Variants in ANKRD30B observed in about 807,000 individuals in gnomAD.
The protein encoded by ANKRD30B is ankyrin repeat domain 30B, also known as ankyrin repeat domain-containing protein 30B.
A neutral mutation model predicts 202.2 loss-of-function variants in ANKRD30B; 144 were observed. The ratio of observed to expected loss-of-function variants is 0.71; its 90% CI spans 0.62 to 0.82. The LOEUF (loss-of-function observed/expected upper bound fraction) is 0.82, where lower values mean the gene tolerates loss of function less well. Among genes scored for constraint, ANKRD30B ranks in the 40% least tolerant of loss-of-function variants. ANKRD30B has a pLI of 0.00. For synonymous variants in ANKRD30B, 508 were observed against 561.3 expected, an observed-to-expected ratio of 0.91 and a Z score of 1.34; for missense variants, 1,487 against 1,669.1, an observed-to-expected ratio of 0.89 and a Z score of 1.90.
chr18:14,840,130 G>A (rs2143170631), intron 36 of ANKRD30B, among the ~76,000 whole-genome samples: 1 of 152,240 alleles, frequency 6.6e-6, no homozygotes, highest in East Asian at 1.9e-4. Flanking sequence ...AAATGTTTTG[G>A]TTTTCAATAT....
At position 14,777,969 on chromosome 18, in the gene ANKRD30B, G is replaced by C; in HGVS notation, c.1330-16G>C. 6 of 1,506,644 alleles carry C rather than the reference G, an allele frequency of 4.0e-6. No homozygotes were observed. Among genetic ancestry groups the C allele is most frequent in the Non-Finnish European group, 5.4e-6 (6 of 1,112,494 alleles). 93.3% of individuals were successfully genotyped at this position (1,506,644 alleles called of 1,614,324 possible). A position where few individuals can be genotyped will look rare whatever the true frequency, so the allele number is the denominator to read the frequency against. ...AAGGAAAAAGACAAATTATTTATTGGTATTACCTTTAACAGATTATCTCTA... is the reference window on the plus strand; with the variant it reads ...AAGGAAAAAGACAAATTATTTATTGCTATTACCTTTAACAGATTATCTCTA... On this transcript the variant is annotated splice_polypyrimidine_tract_variant and intron_variant, in intron 9 of 43. Coordinates refer to ENST00000690538, the MANE Select transcript of ANKRD30B (RefSeq NM_001367607.2).
intron 1 of ANKRD30B, among the ~76,000 whole-genome samples, chr18:14,751,860 C>G (rs1913507045): frequency 9.3e-6 from 1 of 107,764 alleles, no homozygotes; most frequent in Non-Finnish European, 2.1e-5. Flanking sequence ...GTTGTATATA[C>G]CGTATTCCAC....
chr18:14,899,904 A>G, the ANKRD30B span, among the ~76,000 whole-genome samples: 1 of 152,300 alleles, frequency 6.6e-6, no homozygotes, highest in African/African-American at 2.4e-5. Flanking sequence ...TATTTACATA[A>G]TAGTGAACAT....
chr18:14,940,740 A>G, the ANKRD30B span, among the ~76,000 whole-genome samples: 1 of 152,218 alleles, frequency 6.6e-6, no homozygotes, highest in African/African-American at 2.4e-5. Flanking sequence ...GTTGTGGGGC[A>G]TAACGGGAGA....
chr18:14,882,971 T>C, the ANKRD30B span, among the ~76,000 whole-genome samples: 2 of 152,262 alleles, frequency 1.3e-5, no homozygotes, highest in East Asian at 3.9e-4. Context: ...TTTTTTCTAT[T>C]CCATAATCAT....
chr18:14,798,988 C>T (rs1969123901), intron 20 of ANKRD30B, 113 bp from the exon 21 acceptor site: 5 of 1,131,692 alleles, frequency 4.4e-6, no homozygotes, highest in South Asian at 1.2e-5. Flanking sequence ...TAGTGTAATC[C>T]CTTTTCAATC....
intron 22 of ANKRD30B, among the ~76,000 whole-genome samples, chr18:14,800,614 G>A (rs1253694805): frequency 1.3e-5 from 2 of 149,532 alleles, no homozygotes; most frequent in Non-Finnish European, 3.0e-5. Context: ...GTGAGCCACC[G>A]CGCCCGGCCC....
chr18:14,893,230 G>C, the ANKRD30B span, among the ~76,000 whole-genome samples: 1 of 152,170 alleles, frequency 6.6e-6, no homozygotes, highest in Non-Finnish European at 1.5e-5. Flanking sequence ...AAAAGCTCAA[G>C]AATAAAGCAA....
intron 6 of ANKRD30B, among the ~76,000 whole-genome samples, chr18:14,763,418 G>A (rs1223673743): frequency 6.6e-6 from 1 of 152,072 alleles, no homozygotes; most frequent in Non-Finnish European, 1.5e-5. Flanking sequence ...GATGTGGCCT[G>A]TGCCTGTAAT....
chr18:14,863,817 A>G, the ANKRD30B span, among the ~76,000 whole-genome samples: 7 of 150,302 alleles, frequency 4.7e-5, no homozygotes, highest in East Asian at 1.4e-3. Flanking sequence ...ACAACAAACT[A>G]CAGGCCAATA....
the ANKRD30B span, among the ~76,000 whole-genome samples, chr18:14,871,214 A>C: frequency 6.1e-3 from 223 of 36,636 alleles, no homozygotes; most frequent in Non-Finnish European, 6.9e-3. Flanking sequence ...GTCCTGCTGC[A>C]CCCCCACCCC....
the ANKRD30B span, among the ~76,000 whole-genome samples, chr18:14,861,510 TA>T: frequency 3.2e-4 from 48 of 149,796 alleles, no homozygotes; most frequent in Admixed American, 7.3e-4. Flanking sequence ...CTAACAACAG[TA>T]AAAAGAAATA....
chr18:14,896,412 T>C, the ANKRD30B span, among the ~76,000 whole-genome samples: 2 of 152,080 alleles, frequency 1.3e-5, no homozygotes, highest in Admixed American at 1.3e-4. Context: ...ATTATAGGGG[T>C]GAGCCACCGC....
In ANKRD30B at chr18:14,797,642, A is replaced by T. The variant is rs71364865; in HGVS notation, c.1928-19A>T. The T allele has an allele frequency of 2.6e-5, 42 of 1,601,972 alleles. 1 individual carries two copies. Among genetic ancestry groups the T allele is most frequent in the African/African-American group, 9.4e-5 (7 of 74,572 alleles). ...TCAGGCTTGCATATAATCAATTATAAATGTCCCTTTTCTTTTAGAGTCTCC... is the reference window on the plus strand; with the variant it reads ...TCAGGCTTGCATATAATCAATTATATATGTCCCTTTTCTTTTAGAGTCTCC... On this transcript the variant is annotated intron_variant, in intron 18 of 43. Transcript: ENST00000690538.
the ANKRD30B span, among the ~76,000 whole-genome samples, chr18:14,865,506 C>T: frequency 6.6e-6 from 1 of 151,758 alleles, no homozygotes; most frequent in African/African-American, 2.4e-5. Flanking sequence ...CACTCACGAC[C>T]CTCTCTTACC....
intron 22 of ANKRD30B, among the ~76,000 whole-genome samples, chr18:14,800,546 G>A (rs960112373): frequency 1.3e-5 from 2 of 151,088 alleles, no homozygotes; most frequent in African/African-American, 2.5e-5. Flanking sequence ...GGATGATCTC[G>A]ACCTGCTGAC....
In ANKRD30B at chr18:14,791,401, A is replaced by G. The variant is rs1485904052; in HGVS notation, c.1735A>G (p.Ser579Gly). 6.3e-7 allele frequency: 1 copy of G among 1,598,550 alleles called. No homozygotes were observed. The highest frequency in any genetic ancestry group is 2.2e-5 in the East Asian group (1 of 44,612). Residue 579 changes from serine to glycine, a missense_variant and splice_region_variant, in exon 16 of 44, where the codon AGT becomes GGT. Physicochemically the swap from Ser to Gly is moderately conservative, Grantham distance 56. Around this residue, in one of 6 missense-constraint regions of ANKRD30B, gnomAD observed 889 missense variants for 841.4 expected, o/e 1.06. Transcript: ENST00000690538. The stretch of plus-strand genomic sequence containing the variant: ...TATTTATTGATATTACTTTTAACAG[A>G]GTCCCTGTGAGACGGTTTCACAGAA... ...DDEENSWDSE[S>G]PCETVSQKDV...
At chr18:14,885,622 G>T in the ANKRD30B span, among the ~76,000 whole-genome samples, 1 of 151,836 alleles carries the variant, frequency 6.6e-6, no homozygotes, top group Non-Finnish European at 1.5e-5. Flanking sequence ...CTACAGCTAG[G>T]TCCCCTCGTA....
chr18:14,930,675 C>T, the ANKRD30B span, among the ~76,000 whole-genome samples: 1 of 152,042 alleles, frequency 6.6e-6, no homozygotes, highest in Non-Finnish European at 1.5e-5. Flanking sequence ...CTGGAGTCTC[C>T]CCAACCCACA....
Sources: allele counts gnomAD v4.1 joint callset (sites outside exome capture counted in the v4.1 genomes callset), GRCh38; gene constraint gnomAD v4.1.1; regional missense constraint gnomAD v4.1.1; transcripts MANE v1.5; gene names NCBI Gene and HGNC (gene_info 2026-07-23, HGNC 2026-07-21).